DNAH12: variants seen among roughly 807,000 people sequenced by gnomAD.
The protein encoded by DNAH12 is dynein axonemal heavy chain 12, also known as axonemal beta dynein heavy chain 12.
In DNAH12, 285 loss-of-function variants were observed where a neutral mutation model predicts 371.5. The observed-to-expected ratio is 0.77, with a 90% CI of 0.70 to 0.85. DNAH12 has a LOEUF of 0.85. Among genes scored for constraint, DNAH12 ranks in the 40% least tolerant of loss-of-function variants. The pLI, the probability that DNAH12 is intolerant of heterozygous loss-of-function variation, is 0.00. For missense variants in DNAH12, 3,611 were observed against 3,689.4 expected (o/e 0.98, Z 0.55); for synonymous variants, 1,200 against 1,213.0 (o/e 0.99, Z 0.22).
At position 57,345,087 on chromosome 3, in the gene DNAH12, T is replaced by C. The variant is rs145191743; in HGVS notation, c.9674+6998A>G. Among the ~76,000 whole-genome samples the C allele has an allele frequency of 3.6e-3, 550 of 152,256 alleles. 5 individuals are homozygous for C. The highest frequency in any genetic ancestry group is 0.013 in the African/African-American group (525 of 41,560). On this transcript the variant is annotated intron_variant, in intron 60 of 73. Coordinates refer to ENST00000495027, the MANE Select transcript of DNAH12 (RefSeq NM_001366028.2). ...TATACTATATTCTTACAATAAAGTA[T>C]ACCAGAAAAATGTTATCAAGGAAAT...
chr3:57,293,886 CG>C lies in DNAH12; in HGVS notation c.11777del (p.Thr3926ArgfsTer13), dbSNP rs1559527865. On this transcript the variant is annotated frameshift_variant, in exon 74 of 74. Transcript: ENST00000495027. LOFTEE classifies it high-confidence loss of function. ...TSERKGTLST[T>X]GHSTNFVIAM... Reference sequence around the variant, plus strand: ...CAATGACAAAGTTAGTAGAATGTCCCGTAGTGGAAAGAGTTCCTTTACGTTC... The same window carrying C: ...CAATGACAAAGTTAGTAGAATGTCCCTAGTGGAAAGAGTTCCTTTACGTTC... 2 of 1,545,852 alleles carry C rather than the reference CG, an allele frequency of 1.3e-6. No individual in the cohort carries two copies. The highest frequency in any genetic ancestry group is 1.7e-6 in the Non-Finnish European group (2 of 1,144,546).
chr3:57,359,138 G>C (rs1232252407), intron 58 of DNAH12, among the ~76,000 whole-genome samples: 1 of 152,168 alleles, frequency 6.6e-6, no homozygotes, highest in Non-Finnish European at 1.5e-5. Flanking sequence ...CTTGATCTAT[G>C]CATACTTACA....
chr3:57,397,867 T>C (rs2063777740), intron 43 of DNAH12, among the ~76,000 whole-genome samples: 1 of 151,976 alleles, frequency 6.6e-6, no homozygotes, highest in East Asian at 1.9e-4. Flanking sequence ...TTTCAAATGG[T>C]CAGCTCTCAA....
At chr3:57,499,438 A>G (rs935342877) in intron 11 of DNAH12, among the ~76,000 whole-genome samples, 2 of 150,856 alleles carry the variant, frequency 1.3e-5, no homozygotes, top group Non-Finnish European at 2.9e-5. Context: ...AAGGGATGGA[A>G]TGACAAATAA....
intron 2 of DNAH12, among the ~76,000 whole-genome samples, chr3:57,541,343 CTT>C (rs886606162): frequency 2.0e-5 from 3 of 152,022 alleles, no homozygotes; most frequent in Non-Finnish European, 2.9e-5. Flanking sequence ...CCCGGCCTCT[CTT>C]TTTCTTTTAA....
At chr3:57,301,677 T>TACAC (rs57748737) in intron 70 of DNAH12, 58 bp downstream of exon 70, 285 of 1,152,370 alleles carry the variant, frequency 2.5e-4, no homozygotes, top group Admixed American at 5.2e-4. Flanking sequence ...ACATGTATTT[T>TACAC]ACACACACAC....
At chr3:57,453,513 A>C in intron 23 of DNAH12, 110 bp from the exon 24 acceptor site, 1 of 1,009,594 alleles carries the variant, frequency 9.9e-7, no homozygotes, top group Non-Finnish European at 1.4e-6. Flanking sequence ...ATCTATCTCA[A>C]TATAGAAATG....
At chr3:57,311,920 AT>A (rs1196538694) in intron 66 of DNAH12, among the ~76,000 whole-genome samples, 1 of 152,140 alleles carries the variant, frequency 6.6e-6, no homozygotes, top group Non-Finnish European at 1.5e-5. Flanking sequence ...TAGTTTTTAT[AT>A]TGTCTTATTC....
intron 57 of DNAH12, among the ~76,000 whole-genome samples, chr3:57,366,161 A>G (rs2063047128): frequency 6.6e-6 from 1 of 152,180 alleles, no homozygotes; most frequent in Non-Finnish European, 1.5e-5. Flanking sequence ...AATCCCACCA[A>G]TACCAAGATG....
At position 57,405,054 on chromosome 3, in the gene DNAH12, T is replaced by C; in HGVS notation, c.6670A>G (p.Ile2224Val). 1 of 1,546,986 alleles carries C rather than the reference T, an allele frequency of 6.5e-7. No individual in the cohort carries two copies. The highest frequency in any genetic ancestry group is 8.7e-7 in the Non-Finnish European group (1 of 1,145,586). ...DDRVYIEIPNIHHFSDVVDQC... is the reference protein window; with the variant it reads ...DDRVYIEIPNVHHFSDVVDQC... ...TCCACAACATCACTAAAATGATGAA[T>C]ATTTGGAATTTCAATATAAACTCTA... is the stretch of plus-strand genomic sequence containing the variant. The change falls in exon 42 of 74, where the codon ATT becomes GTT. Residue 2224 changes from isoleucine (I) to valine (V), a missense_variant. By Grantham distance (29) the Ile-to-Val change is conservative. Transcript: ENST00000495027.
chr3:57,326,585 G>A (rs924567526), intron 62 of DNAH12, among the ~76,000 whole-genome samples: 1 of 152,170 alleles, frequency 6.6e-6, no homozygotes. Flanking sequence ...GGAACAACCA[G>A]TACCAGCCGC....
chr3:57,470,056 A>G (rs1260760272), intron 16 of DNAH12, among the ~76,000 whole-genome samples: 4 of 152,310 alleles, frequency 2.6e-5, no homozygotes, highest in African/African-American at 9.6e-5. Flanking sequence ...GGGGGTAAAC[A>G]TTAGTGAAAT....
At chr3:57,371,997 T>C (rs1179893951) in intron 55 of DNAH12, among the ~76,000 whole-genome samples, 2 of 105,028 alleles carry the variant, frequency 1.9e-5, no homozygotes, top group African/African-American at 8.4e-5. Context: ...ATAAAGACTT[T>C]TTTCAAGGTT....
intron 60 of DNAH12, among the ~76,000 whole-genome samples, chr3:57,350,966 C>T (rs1418243103): frequency 6.6e-6 from 1 of 151,966 alleles, no homozygotes; most frequent in Non-Finnish European, 1.5e-5. Flanking sequence ...ATTTTTTTAA[C>T]AACAATATAA....
chr3:57,450,360 A>C (rs539821680), intron 25 of DNAH12, among the ~76,000 whole-genome samples: 1 of 151,452 alleles, frequency 6.6e-6, no homozygotes, highest in Admixed American at 6.6e-5. Context: ...ACCAGCCTAC[A>C]TAACATGGAG....
intron 55 of DNAH12, among the ~76,000 whole-genome samples, chr3:57,374,055 C>T (rs1225144824): frequency 6.6e-6 from 1 of 152,108 alleles, no homozygotes; most frequent in Non-Finnish European, 1.5e-5. Flanking sequence ...AGTGAAATTT[C>T]CATTATGGTT....
chr3:57,403,263 A>G, intron 43 of DNAH12, 46 bp downstream of exon 43: 1 of 1,499,942 alleles, frequency 6.7e-7, no homozygotes, highest in African/African-American at 1.4e-5. Flanking sequence ...CGAGTAAAAG[A>G]ATATACTGTT....
chr3:57,365,085 T>A (rs2063018520), intron 57 of DNAH12, among the ~76,000 whole-genome samples: 1 of 152,190 alleles, frequency 6.6e-6, no homozygotes, highest in Admixed American at 6.5e-5. Flanking sequence ...GATATACCAT[T>A]TGACACAGCA....
intron 11 of DNAH12, among the ~76,000 whole-genome samples, chr3:57,491,870 G>A (rs1048598683): frequency 2.0e-5 from 3 of 152,080 alleles, no homozygotes; most frequent in Admixed American, 6.5e-5. Flanking sequence ...GCCAGGTGTT[G>A]TGGCGTGTGC....
Sources: allele counts gnomAD v4.1 joint callset (sites outside exome capture counted in the v4.1 genomes callset), GRCh38; gene constraint gnomAD v4.1.1; transcripts MANE v1.5; gene names NCBI Gene and HGNC (gene_info 2026-07-23, HGNC 2026-07-21).